The following SFMBT2 variants were observed in gnomAD, a reference collection of about 807,000 sequenced individuals.
SFMBT2 encodes scm-like with four MBT domains protein 2.
Under a neutral mutation model 110.1 loss-of-function variants are expected in SFMBT2, and 38 were observed. The ratio of observed to expected loss-of-function variants is 0.35; its 90% CI spans 0.27 to 0.45. The LOEUF (loss-of-function observed/expected upper bound fraction) is 0.45, where lower values mean the gene tolerates loss of function less well. Among genes scored for constraint, SFMBT2 ranks in the 20% least tolerant of loss-of-function variants. SFMBT2 has a pLI of 1.00. For missense variants in SFMBT2, 1,011 were observed against 1,094.9 expected (o/e 0.92, Z 1.08); for synonymous variants, 425 against 425.4 (o/e 1.00, Z 0.01).
chr10:7,324,244 T>A (rs1392441194), intron 4 of SFMBT2, among the ~76,000 whole-genome samples: 1 of 152,070 alleles, frequency 6.6e-6, no homozygotes, highest in Admixed American at 6.6e-5. Context: ...ATTACTATAA[T>A]CACACACACA....
At chr10:7,297,902 GC>G (rs1773095015) in intron 4 of SFMBT2, among the ~76,000 whole-genome samples, 1 of 152,100 alleles carries the variant, frequency 6.6e-6, no homozygotes, top group South Asian at 2.1e-4. Context: ...TGCCTCCCAC[GC>G]CCTCCCTGTT....
chr10:7,187,052 A>G (rs560637553), intron 16 of SFMBT2, among the ~76,000 whole-genome samples: 1 of 152,252 alleles, frequency 6.6e-6, no homozygotes, highest in Non-Finnish European at 1.5e-5. Context: ...GCTGGATTTA[A>G]TAAAAAGCTC....
At chr10:7,378,087 G>A (rs1845300563) in intron 2 of SFMBT2, among the ~76,000 whole-genome samples, 1 of 151,362 alleles carries the variant, frequency 6.6e-6, no homozygotes, top group Non-Finnish European at 1.5e-5. Context: ...GTATGTGGAT[G>A]GGTGTGTGTG....
At position 7,382,583 on chromosome 10, in the gene SFMBT2, G is replaced by C. The variant is rs1845455539; in HGVS notation, c.-51-634C>G. On this transcript the variant is annotated intron_variant, in intron 1 of 20. Coordinates refer to ENST00000397167, the MANE Select transcript of SFMBT2 (RefSeq NM_001387889.1). ...GCATTTCAGTCCTCGATCCACCATGGCAACATTGGTAAGACACTCCCCCCG... is the reference window on the plus strand; with the variant it reads ...GCATTTCAGTCCTCGATCCACCATGCCAACATTGGTAAGACACTCCCCCCG... Among the ~76,000 whole-genome samples, 2 of 151,926 alleles carry C rather than the reference G, an allele frequency of 1.3e-5. 1 individual carries two copies. The highest frequency in any genetic ancestry group is 4.2e-4 in the South Asian group (2 of 4,818).
intron 1 of SFMBT2, among the ~76,000 whole-genome samples, chr10:7,407,047 TGG>T (rs1244941968): frequency 6.6e-6 from 1 of 152,134 alleles, no homozygotes; most frequent in African/African-American, 2.4e-5. Flanking sequence ...GCAGGCAGCT[TGG>T]TCCCAGCAAG....
intron 8 of SFMBT2, chr10:7,246,095 G>A: frequency 1.1e-6 from 1 of 947,130 alleles, no homozygotes; most frequent in Non-Finnish European, 1.3e-6. Context: ...AAAGACAGAT[G>A]CACATACCCC....
chr10:7,261,557 A>G (rs1462273596), intron 7 of SFMBT2, among the ~76,000 whole-genome samples: 1 of 152,216 alleles, frequency 6.6e-6, no homozygotes, highest in East Asian at 1.9e-4. Flanking sequence ...GTATGCAGGC[A>G]TGTCTGGATG....
intron 16 of SFMBT2, among the ~76,000 whole-genome samples, chr10:7,183,251 T>G (rs1838295119): frequency 6.6e-6 from 1 of 152,202 alleles, no homozygotes; most frequent in South Asian, 2.1e-4. Context: ...AGTCCTCAGA[T>G]AGACCTTGCC....
At chr10:7,308,154 A>T (rs1460305113) in intron 4 of SFMBT2, among the ~76,000 whole-genome samples, 2 of 152,210 alleles carry the variant, frequency 1.3e-5, no homozygotes, top group East Asian at 3.8e-4. Context: ...CAGGAGTTTG[A>T]GACCAGCCCA....
chr10:7,256,009 T>C (rs1039890442), intron 7 of SFMBT2, among the ~76,000 whole-genome samples: 1 of 152,224 alleles, frequency 6.6e-6, no homozygotes, highest in African/African-American at 2.4e-5. Flanking sequence ...GCTCAGGCTG[T>C]AATATCAAGT....
chr10:7,172,096 G>T lies in SFMBT2; in HGVS notation c.2214C>A (p.Ser738=). The change falls in exon 19 of 21, where the codon TCC becomes TCA. Residue 738 remains serine (S), a synonymous_variant. Transcript: ENST00000397167. This position sits in a 1 kb window ranked among gnomAD's most constrained non-coding sequence, Gnocchi z 4.6. ...DDDTASEETG[S]ELRDDQTDTS... ...TGTCCGTCTGGTCATCCCGGAGCTCGGAGCCGGTCTCCTCACTGGCGGTGT... is the reference window on the plus strand; with the variant it reads ...TGTCCGTCTGGTCATCCCGGAGCTCTGAGCCGGTCTCCTCACTGGCGGTGT... 6.2e-7 allele frequency: 1 copy of T among 1,604,972 alleles called. No homozygotes were observed. Among genetic ancestry groups the T allele is most frequent in the Non-Finnish European group, 8.5e-7 (1 of 1,175,008 alleles).
At chr10:7,307,218 A>G (rs1348491481) in intron 4 of SFMBT2, among the ~76,000 whole-genome samples, 1 of 152,246 alleles carries the variant, frequency 6.6e-6, no homozygotes, top group Non-Finnish European at 1.5e-5. Flanking sequence ...AAGGAAATAC[A>G]TACCATGTTC....
chr10:7,180,649 T>G, intron 16 of SFMBT2, among the ~76,000 whole-genome samples: 1 of 152,098 alleles, frequency 6.6e-6, no homozygotes, highest in Non-Finnish European at 1.5e-5. Context: ...TCCCCTCCCT[T>G]CCAAAGGCAT....
intron 11 of SFMBT2, among the ~76,000 whole-genome samples, chr10:7,211,811 T>TA (rs1430068770): frequency 5.3e-5 from 8 of 152,202 alleles, no homozygotes; most frequent in Non-Finnish European, 1.2e-4. Context: ...AAATGCATAG[T>TA]AACTACCTGA....
intron 9 of SFMBT2, among the ~76,000 whole-genome samples, chr10:7,230,751 C>A (rs12415385): frequency 6.6e-6 from 1 of 151,862 alleles, no homozygotes; most frequent in East Asian, 1.9e-4. Context: ...TGACCAACAT[C>A]GTAAAACCTT....
chr10:7,305,834 T>C (rs930233818), intron 4 of SFMBT2, among the ~76,000 whole-genome samples: 2 of 152,244 alleles, frequency 1.3e-5, no homozygotes, highest in African/African-American at 4.8e-5. Flanking sequence ...TGAAATCACT[T>C]AACCTTTCCA....
chr10:7,228,703 CTT>C (rs1839981818), intron 9 of SFMBT2, among the ~76,000 whole-genome samples: 1 of 132,996 alleles, frequency 7.5e-6, no homozygotes, highest in African/African-American at 2.9e-5. Context: ...TTCTTTCTTT[CTT>C]TCTTTCTTTC....
chr10:7,265,962 A>G, intron 7 of SFMBT2, among the ~76,000 whole-genome samples: 1 of 152,332 alleles, frequency 6.6e-6, no homozygotes, highest in Middle Eastern at 3.4e-3. Flanking sequence ...TATTTAAATT[A>G]AATTTAAAAA....
intron 4 of SFMBT2, among the ~76,000 whole-genome samples, chr10:7,313,380 C>T (rs899152819): frequency 2.6e-5 from 4 of 152,156 alleles, no homozygotes; most frequent in Admixed American, 1.3e-4. Flanking sequence ...TAAGATGGCA[C>T]GATTGCAGCT....
Sources: allele counts gnomAD v4.1 joint callset (sites outside exome capture counted in the v4.1 genomes callset), GRCh38; gene constraint gnomAD v4.1.1; non-coding constraint Gnocchi (gnomAD v3.1); transcripts MANE v1.5; gene names NCBI Gene and HGNC (gene_info 2026-07-23, HGNC 2026-07-21).